TTC3: variants seen among roughly 807,000 people sequenced by gnomAD.
The protein encoded by TTC3 is E3 ubiquitin-protein ligase TTC3.
In TTC3, 180 loss-of-function variants were observed where a neutral mutation model predicts 249.6. That is an observed-to-expected ratio of 0.72 (90% CI 0.64 to 0.82). TTC3 has a LOEUF of 0.82. Ranked by LOEUF, TTC3 falls within the 40% of genes least tolerant of loss-of-function variation. The probability of loss-of-function intolerance (pLI) is 0.00; values close to 1 mark genes in which losing one functional copy is unlikely to be tolerated. For synonymous variants in TTC3, 717 were observed against 805.0 expected (o/e 0.89, Z 1.85); for missense variants, 2,061 against 2,398.4 (o/e 0.86, Z 2.94).
Position 37,197,507 on chromosome 21 carries a change from A to G in TTC3, c.5580-63A>G. Reference sequence around the variant, plus strand: ...GTTGGGCTGTTGGATTAATATTGGCATGTAATATTTCTTAGCAGTAGAGAA... The same window carrying G: ...GTTGGGCTGTTGGATTAATATTGGCGTGTAATATTTCTTAGCAGTAGAGAA... On this transcript the variant is annotated intron_variant, in intron 42 of 45. Coordinates refer to ENST00000355666, the Ensembl canonical transcript of TTC3. 2.5e-6 allele frequency: 4 copies of G among 1,594,828 alleles called. No individual in the cohort carries two copies. In the South Asian group the frequency reaches 4.5e-5, roughly 18 times the overall value.
In TTC3 at chr21:37,191,393, C is replaced by T. The variant is rs1203933476; in HGVS notation, c.5084C>T (p.Ser1695Phe). The change falls in exon 40 of 46, where the codon TCT becomes TTT. Residue 1695 changes from serine to phenylalanine, a missense_variant. Ser to Phe is a radical substitution (Grantham distance 155). Coordinates refer to ENST00000355666, the Ensembl canonical transcript of TTC3. ...ATACGTTCATGGGAATTGTTTCTTTCTAATGTTACAAAAGAAATTGAGAAA... is the reference window on the plus strand; with the variant it reads ...ATACGTTCATGGGAATTGTTTCTTTTTAATGTTACAAAAGAAATTGAGAAA... 19 of 1,584,884 alleles carry T rather than the reference C, an allele frequency of 1.2e-5. 1 individual carries two copies. The Admixed American group carries it at 2.9e-4, about 24-fold the overall frequency.
intron 8 of TTC3, among the ~76,000 whole-genome samples, chr21:37,095,136 T>C (rs192281514): frequency 2.4e-5 from 3 of 126,808 alleles, no homozygotes; most frequent in Non-Finnish European, 3.5e-5. Flanking sequence ...TCTCTAAAAA[T>C]ATGTGTGTGT....
chr21:37,118,308 G>A (rs2076322892), intron 11 of TTC3, among the ~76,000 whole-genome samples: 1 of 152,140 alleles, frequency 6.6e-6, no homozygotes, highest in Non-Finnish European at 1.5e-5. Flanking sequence ...AGATTTCTAT[G>A]TGAGGGTAGG....
chr21:37,164,282 G>T, intron 32 of TTC3, 67 bp downstream of exon 32: 16 of 1,309,770 alleles, frequency 1.2e-5, no homozygotes, highest in South Asian at 5.4e-5. Flanking sequence ...ATCAGAAGTT[G>T]TTTAATTTGT....
chr21:37,088,777 A>T lies in TTC3; in HGVS notation c.339-22A>T, dbSNP rs1217287739. The T allele has an allele frequency of 4.4e-6, 7 of 1,597,614 alleles. No individual in the cohort carries two copies. In the Admixed American group the frequency reaches 1.2e-4, roughly 27 times the overall value. On this transcript the variant is annotated intron_variant, in intron 4 of 45. Coordinates refer to ENST00000355666, the Ensembl canonical transcript of TTC3. ...TGTATATATGAGAATCTAATCTTTT[A>T]AAAAATAAATTTGTCTTTAAGCAAT...
chr21:37,189,316 G>T (rs1380696121), intron 39 of TTC3, among the ~76,000 whole-genome samples: 1 of 152,072 alleles, frequency 6.6e-6, no homozygotes, highest in African/African-American at 2.4e-5. Context: ...CCTGATCTTG[G>T]CTCACTGCAA....
At chr21:37,172,832 C>T (rs2081924878) in intron 35 of TTC3, 88 bp downstream of exon 35, 5 of 1,458,632 alleles carry the variant, frequency 3.4e-6, no homozygotes, top group South Asian at 2.7e-5. Flanking sequence ...CTCAGCTGAA[C>T]TTCTGCATTG....
At chr21:37,155,837 C>T (rs139413805) in intron 27 of TTC3, among the ~76,000 whole-genome samples, 35 of 152,158 alleles carry the variant, frequency 2.3e-4, no homozygotes, top group African/African-American at 8.4e-4. Flanking sequence ...GGGGTGAGGA[C>T]CCACATTTTG....
At chr21:37,149,378 C>CA (rs34168728) in intron 23 of TTC3, among the ~76,000 whole-genome samples, 72,011 of 151,872 alleles carry the variant, frequency 0.47, 17,279 homozygotes, top group South Asian at 0.54. Flanking sequence ...AATAAATTCT[C>CA]ACATTTTGTA....
exon 12 of TTC3, chr21:37,121,863 A>C (rs1274485026): frequency 2.5e-6 from 4 of 1,611,604 alleles, no homozygotes; most frequent in Non-Finnish European, 3.4e-6. Context: ...GGGGAATATG[A>C]CTGGGCCCTG....
At chr21:37,080,706 C>G (rs902162078) in intron 1 of TTC3, among the ~76,000 whole-genome samples, 10 of 152,134 alleles carry the variant, frequency 6.6e-5, no homozygotes, top group African/African-American at 2.4e-4. Flanking sequence ...ATATTGTGAT[C>G]TTCTCTAAGT....
intron 13 of TTC3, among the ~76,000 whole-genome samples, chr21:37,123,894 G>A (rs953359556): frequency 6.6e-5 from 10 of 150,946 alleles, no homozygotes; most frequent in Admixed American, 2.0e-4. Context: ...GGCCACAGGC[G>A]GCTGCCACCA....
chr21:37,108,471 T>C, intron 11 of TTC3, 25 bp downstream of exon 11: 1 of 1,600,618 alleles, frequency 6.2e-7, no homozygotes, highest in Non-Finnish European at 8.5e-7. Context: ...TATTTTATAT[T>C]GAGCAAATAA....
At chr21:37,137,090 A>G (rs952301585) in intron 18 of TTC3, among the ~76,000 whole-genome samples, 2 of 152,170 alleles carry the variant, frequency 1.3e-5, no homozygotes, top group South Asian at 4.1e-4. Context: ...GCAAAATACT[A>G]TTGCTCATTG....
exon 26 of TTC3, chr21:37,151,933 A>G (rs770677683): frequency 6.2e-7 from 1 of 1,605,642 alleles, no homozygotes; most frequent in Non-Finnish European, 8.5e-7. Flanking sequence ...AAAATTGAAG[A>G]GAAAGATCCA....
exon 14 of TTC3, chr21:37,124,652 A>G: frequency 6.2e-7 from 1 of 1,613,128 alleles, no homozygotes; most frequent in Non-Finnish European, 8.5e-7. Flanking sequence ...CAGCACCTAT[A>G]TTTACTACTT....
At chr21:37,076,947 C>T (rs1011562815) in intron 1 of TTC3, among the ~76,000 whole-genome samples, 11 of 151,870 alleles carry the variant, frequency 7.2e-5, no homozygotes, top group Non-Finnish European at 1.0e-4. Context: ...GTGATCTGCC[C>T]GACTCGGCCT....
At chr21:37,105,379 A>G (rs906705951) in intron 10 of TTC3, among the ~76,000 whole-genome samples, 2 of 152,198 alleles carry the variant, frequency 1.3e-5, no homozygotes, top group Non-Finnish European at 2.9e-5. Context: ...CAGTGGCTCA[A>G]CAATGTCATC....
At chr21:37,178,069 A>G (rs953310983) in intron 35 of TTC3, among the ~76,000 whole-genome samples, 1 of 152,188 alleles carries the variant, frequency 6.6e-6, no homozygotes, top group East Asian at 1.9e-4. Context: ...TGTTACATGT[A>G]GTCTTTTATA....
Sources: gnomAD v4.1 joint callset for allele counts (sites outside exome capture counted in the v4.1 genomes callset) on GRCh38, gnomAD v4.1.1 for gene constraint, MANE v1.5 for transcripts, NCBI Gene and HGNC (gene_info 2026-07-23, HGNC 2026-07-21) for gene names.